APBB1IP: variants seen among roughly 807,000 people sequenced by gnomAD.
APBB1IP encodes the protein amyloid beta A4 precursor protein-binding family B member 1-interacting protein.
In APBB1IP, 27 loss-of-function variants were observed where a neutral mutation model predicts 64.9. The observed-to-expected ratio is 0.42, with a 90% CI of 0.31 to 0.57. The LOEUF is 0.57. Among genes scored for constraint, APBB1IP ranks in the 20% least tolerant of loss-of-function variants. APBB1IP has a pLI of 0.20. For synonymous variants in APBB1IP, 392 were observed against 331.0 expected (o/e 1.18, Z -2.00); for missense variants, 812 against 845.5 (o/e 0.96, Z 0.49).
In APBB1IP at chr10:26,567,443, A is replaced by G. The variant is rs1390029484; in HGVS notation, c.1956A>G (p.Ser652=). ...GAGGCGGGGAGCAAGATTTCATGTCAGACCTCATGAAAGCTTTGCAAAAGA... is the reference window on the plus strand; with the variant it reads ...GAGGCGGGGAGCAAGATTTCATGTCGGACCTCATGAAAGCTTTGCAAAAGA... The part of the protein sequence containing the change: ...GAGGGEQDFM[S]DLMKALQKKR... The change falls in exon 15 of 15, where the codon TCA becomes TCG. Residue 652 remains serine (S), a synonymous_variant. Coordinates refer to ENST00000376236, the MANE Select transcript of APBB1IP (RefSeq NM_019043.4). 6 of 1,605,482 alleles carry G rather than the reference A, an allele frequency of 3.7e-6. No individual in the cohort carries two copies. Among genetic ancestry groups the G allele is most frequent in the Non-Finnish European group, 3.4e-6 (4 of 1,174,392 alleles).
intron 2 of APBB1IP, among the ~76,000 whole-genome samples, chr10:26,446,231 T>C (rs10764619): frequency 0.39 from 59,020 of 152,078 alleles, 11,647 homozygotes; most frequent in South Asian, 0.49. Context: ...TGCATCTCTG[T>C]TGATCACATA....
chr10:26,565,262 A>T (rs1156410923), intron 14 of APBB1IP, among the ~76,000 whole-genome samples: 3 of 152,214 alleles, frequency 2.0e-5, no homozygotes, highest in African/African-American at 2.4e-5. Flanking sequence ...TAGGAGCAAG[A>T]TAATTTTACA....
At chr10:26,495,909 ATATATATTTTATATAAT>A (rs1162673500) in intron 3 of APBB1IP, among the ~76,000 whole-genome samples, 1 of 143,508 alleles carries the variant, frequency 7.0e-6, no homozygotes, top group African/African-American at 2.5e-5. Flanking sequence ...ATTTATATAA[ATATATATTTTATATAAT>A]ATATATTTAA....
intron 2 of APBB1IP, among the ~76,000 whole-genome samples, chr10:26,453,823 C>T (rs1487262704): frequency 3.3e-5 from 5 of 152,104 alleles, no homozygotes; most frequent in Admixed American, 6.5e-5. Flanking sequence ...CCTTGAAAAA[C>T]GATAAATAGA....
chr10:26,551,359 A>C (rs75106414), intron 11 of APBB1IP, among the ~76,000 whole-genome samples: 13,177 of 152,216 alleles, frequency 0.087, 767 homozygotes, highest in Admixed American at 0.15. Context: ...TGGGTACCGC[A>C]GTGGCTCAGG....
At chr10:26,484,735 A>C (rs1052454033) in intron 2 of APBB1IP, among the ~76,000 whole-genome samples, 1 of 152,202 alleles carries the variant, frequency 6.6e-6, no homozygotes, top group African/African-American at 2.4e-5. Context: ...TTATGACTAA[A>C]TCTTTTAGTT....
intron 8 of APBB1IP, among the ~76,000 whole-genome samples, chr10:26,518,146 G>T (rs1457405366): frequency 6.6e-6 from 1 of 152,048 alleles, no homozygotes; most frequent in African/African-American, 2.4e-5. Flanking sequence ...GTACAGGCAG[G>T]GTTTCACCAT....
chr10:26,491,532 C>A (rs1835954842), intron 2 of APBB1IP, among the ~76,000 whole-genome samples: 1 of 152,164 alleles, frequency 6.6e-6, no homozygotes, highest in African/African-American at 2.4e-5. Context: ...TTTTCCTCTT[C>A]TTGGGCAATT....
intron 2 of APBB1IP, among the ~76,000 whole-genome samples, chr10:26,455,345 T>G (rs554172312): frequency 6.6e-6 from 1 of 151,720 alleles, no homozygotes; most frequent in Admixed American, 6.6e-5. Flanking sequence ...CTGGCCAACA[T>G]GGTGAAGCCC....
chr10:26,466,465 T>G (rs1835649486), intron 2 of APBB1IP, among the ~76,000 whole-genome samples: 1 of 152,174 alleles, frequency 6.6e-6, no homozygotes, highest in Non-Finnish European at 1.5e-5. Context: ...AAAGAAAGTT[T>G]TTCATCATCC....
Position 26,501,052 on chromosome 10 carries a change from C to G in APBB1IP, c.394C>G (p.Pro132Ala). 1 of 1,614,192 alleles carries G rather than the reference C, an allele frequency of 6.2e-7. No homozygotes were observed. Among genetic ancestry groups the G allele is most frequent in the Non-Finnish European group, 8.5e-7 (1 of 1,180,026 alleles). Residue 132 changes from proline to alanine, a missense_variant, in exon 5 of 15, where the codon CCA becomes GCA. Physicochemically the swap from Pro to Ala is conservative, Grantham distance 27 (BLOSUM62 -1). Transcript: ENST00000376236. ...SQYEDDLPPP[P>A]ADPVLDLPLP... ...ATATGAGGATGACTTACCACCTCCA[C>G]CAGCCGATCCTGTGTTAGACCTTCC...
At chr10:26,501,369 T>C in intron 5 of APBB1IP, 1 of 545,986 alleles carries the variant, frequency 1.8e-6, no homozygotes, top group Non-Finnish European at 3.2e-6. Context: ...CAAAAACTAT[T>C]TGATAAAACT....
chr10:26,492,526 A>G (rs1835968446), intron 3 of APBB1IP, 128 bp downstream of exon 3: 1 of 772,846 alleles, frequency 1.3e-6, no homozygotes, highest in Non-Finnish European at 2.1e-6. Flanking sequence ...CGATATTTCA[A>G]TGTAGGTTCT....
rs759521864 is a variant in APBB1IP at position 26,564,786 on chromosome 10, G to A, written c.1474-2175G>A. Among the ~76,000 whole-genome samples, 3 of 151,884 alleles carry A rather than the reference G, an allele frequency of 2.0e-5. No individual in the cohort carries two copies. In the South Asian group the frequency reaches 6.2e-4, roughly 32 times the overall value. ...CCACTGCACTCCAGCCGTGGTGACA[G>A]AACGAGACTCTGCCTCAAAAAAATA... On this transcript the variant is annotated intron_variant, in intron 14 of 14. Coordinates refer to ENST00000376236, the MANE Select transcript of APBB1IP (RefSeq NM_019043.4).
chr10:26,518,283 T>A (rs1464238988), intron 8 of APBB1IP, among the ~76,000 whole-genome samples: 3 of 150,734 alleles, frequency 2.0e-5, no homozygotes, highest in Non-Finnish European at 4.4e-5. Flanking sequence ...AGAGTCCTTC[T>A]GTCACCCAGG....
chr10:26,461,183 G>C (rs1449495177), intron 2 of APBB1IP, among the ~76,000 whole-genome samples: 1 of 151,664 alleles, frequency 6.6e-6, no homozygotes, highest in Admixed American at 6.6e-5. Context: ...AAGGAAAGAA[G>C]GAAGGAAGGG....
chr10:26,492,535 C>A, intron 3 of APBB1IP, 137 bp downstream of exon 3: 1 of 742,318 alleles, frequency 1.3e-6, no homozygotes, highest in Non-Finnish European at 2.2e-6. Context: ...AATGTAGGTT[C>A]TTTTCTATTT....
intron 11 of APBB1IP, among the ~76,000 whole-genome samples, chr10:26,553,228 G>A (rs1337810463): frequency 1.3e-5 from 2 of 151,946 alleles, no homozygotes; most frequent in African/African-American, 2.4e-5. Context: ...CACCGTGTTG[G>A]TCAGGCTGGT....
chr10:26,527,612 T>C (rs1013471), intron 8 of APBB1IP, among the ~76,000 whole-genome samples: 34,108 of 148,374 alleles, frequency 0.23, 4,084 homozygotes, highest in African/African-American at 0.3. Context: ...ACATTTCCTC[T>C]CTCCAGGGTC....
Sources: allele counts gnomAD v4.1 joint callset (sites outside exome capture counted in the v4.1 genomes callset), GRCh38; gene constraint gnomAD v4.1.1; transcripts MANE v1.5; gene names NCBI Gene and HGNC (gene_info 2026-07-23, HGNC 2026-07-21).